MAGI2: variants seen among roughly 807,000 people sequenced by gnomAD.
MAGI2 encodes membrane-associated guanylate kinase, WW and PDZ domain-containing protein 2.
Under a neutral mutation model 133.3 loss-of-function variants are expected in MAGI2, and 35 were observed. The observed-to-expected ratio is 0.26, with a 90% confidence interval of 0.20 to 0.35. The LOEUF (loss-of-function observed/expected upper bound fraction) is 0.35. MAGI2 is among the 10% of genes least tolerant of loss of function. The pLI, the probability that MAGI2 is intolerant of heterozygous loss-of-function variation, is 1.00. For missense variants in MAGI2, 1,636 were observed against 1,863.4 expected (o/e 0.88, Z 2.25); for synonymous variants, 729 against 710.6 (o/e 1.03, Z -0.41).
Position 78,709,315 on chromosome 7 carries a change from C to G in MAGI2, c.419-82076G>C, listed in dbSNP as rs558008071. On this transcript the variant is annotated intron_variant, in intron 2 of 21. Coordinates refer to ENST00000354212, the MANE Select transcript of MAGI2 (RefSeq NM_012301.4). ...CCACTCCACACACACCTCCCTCAGGCTTCAACTAGATAAACTGTTATTTTG... is the reference window on the plus strand; with the variant it reads ...CCACTCCACACACACCTCCCTCAGGGTTCAACTAGATAAACTGTTATTTTG... Among the ~76,000 whole-genome samples the G allele has an allele frequency of 3.2e-4, 49 of 151,598 alleles. No homozygotes were observed. The South Asian group carries it at 0.01, about 32-fold the overall frequency.
intron 2 of MAGI2, among the ~76,000 whole-genome samples, chr7:78,785,205 T>G (rs1192722178): frequency 6.6e-6 from 1 of 152,208 alleles, no homozygotes; most frequent in Non-Finnish European, 1.5e-5. Context: ...TAATTAAATA[T>G]TTTAAAATGG....
rs537667233 is a variant in MAGI2 at position 78,799,539 on chromosome 7, A to T, written c.419-172300T>A. ...TCTAAGGAAGTGGTGAAAACCTTTA[A>T]TCCATGTGGCCAAGGATATAGATTT... On this transcript the variant is annotated intron_variant, in intron 2 of 21. Coordinates refer to ENST00000354212, the MANE Select transcript of MAGI2 (RefSeq NM_012301.4). Among the ~76,000 whole-genome samples, 6 of 152,240 alleles carry T rather than the reference A, an allele frequency of 3.9e-5. No homozygotes were observed. In the South Asian group the frequency reaches 1.2e-3, roughly 32 times the overall value.
intron 2 of MAGI2, among the ~76,000 whole-genome samples, chr7:78,701,105 A>G (rs1297136416): frequency 2.0e-5 from 3 of 151,750 alleles, no homozygotes; most frequent in Non-Finnish European, 4.4e-5. Flanking sequence ...TCATTTCTTC[A>G]GTTTTTCCAT....
chr7:78,234,006 C>A (rs191068385), intron 10 of MAGI2, among the ~76,000 whole-genome samples: 1 of 152,194 alleles, frequency 6.6e-6, no homozygotes, highest in East Asian at 1.9e-4. Context: ...TGAATGTTTT[C>A]ATTTTATGTT....
chr7:78,108,729 TAC>T (rs1197820552), intron 20 of MAGI2, among the ~76,000 whole-genome samples: 4 of 145,458 alleles, frequency 2.7e-5, no homozygotes, highest in South Asian at 2.3e-4. Context: ...TGTGTGTGTA[TAC>T]ACACACATAT....
At chr7:78,522,800 A>C (rs1042262046) in intron 3 of MAGI2, among the ~76,000 whole-genome samples, 1 of 152,210 alleles carries the variant, frequency 6.6e-6, no homozygotes, top group Admixed American at 6.5e-5. Flanking sequence ...CTTTGAACCT[A>C]TATCAGTGTT....
chr7:78,632,556 T>C (rs1809133181), intron 2 of MAGI2, among the ~76,000 whole-genome samples: 1 of 152,208 alleles, frequency 6.6e-6, no homozygotes, highest in Non-Finnish European at 1.5e-5. Context: ...TAAAGAGAAA[T>C]TCCACTTATT....
chr7:78,079,836 T>C (rs1334994829), intron 20 of MAGI2, among the ~76,000 whole-genome samples: 1 of 152,176 alleles, frequency 6.6e-6, no homozygotes, highest in South Asian at 2.1e-4. Context: ...CGTTTGTGAA[T>C]AGATAGTTGA....
intron 1 of MAGI2, among the ~76,000 whole-genome samples, chr7:79,274,325 C>G (rs909127581): frequency 7.9e-5 from 12 of 152,046 alleles, no homozygotes; most frequent in African/African-American, 2.7e-4. Flanking sequence ...GGGTTTGGCA[C>G]AGGAACTTTC....
At chr7:78,946,379 T>A (rs1218792921) in intron 2 of MAGI2, among the ~76,000 whole-genome samples, 1 of 152,184 alleles carries the variant, frequency 6.6e-6, no homozygotes, top group Non-Finnish European at 1.5e-5. Context: ...CTTGAACCTA[T>A]CATATGTAAA....
chr7:78,346,492 T>G (rs1005279794), intron 7 of MAGI2, among the ~76,000 whole-genome samples: 1 of 151,942 alleles, frequency 6.6e-6, no homozygotes, highest in Non-Finnish European at 1.5e-5. Flanking sequence ...GCAACCAGAG[T>G]CTGCACTTTT....
rs573884013 is a variant in MAGI2, at chr7:79,407,254, T to A, written c.301+45766A>T. Among the ~76,000 whole-genome samples, 55 of 152,206 alleles carry A rather than the reference T, an allele frequency of 3.6e-4. No individual in the cohort carries two copies. The South Asian group carries it at 0.011, about 29-fold the overall frequency. ...CTGATGACTGGCTAGTAAAGATAAA[T>A]CTTGGAGTGAAACTGGCATCTGAAC... On this transcript the variant is annotated intron_variant, in intron 1 of 21. Coordinates refer to ENST00000354212, the MANE Select transcript of MAGI2 (RefSeq NM_012301.4).
chr7:78,966,981 G>C (rs1280282799), intron 2 of MAGI2, among the ~76,000 whole-genome samples: 1 of 151,748 alleles, frequency 6.6e-6, no homozygotes, highest in Non-Finnish European at 1.5e-5. Context: ...GTTTCACTCT[G>C]CCACCCAGGC....
intron 21 of MAGI2, among the ~76,000 whole-genome samples, chr7:78,040,505 C>T (rs73703886): frequency 0.059 from 8,921 of 151,482 alleles, 268 homozygotes; most frequent in South Asian, 0.1. Context: ...TCAACCTTCC[C>T]TGGGTGGGTA....
chr7:78,773,761 A>G (rs1825771868), intron 2 of MAGI2, among the ~76,000 whole-genome samples: 1 of 152,218 alleles, frequency 6.6e-6, no homozygotes, highest in Non-Finnish European at 1.5e-5. Flanking sequence ...GACACAAAGA[A>G]CACGAACAAA....
chr7:78,191,336 G>A (rs73703720), intron 12 of MAGI2, among the ~76,000 whole-genome samples: 144 of 152,174 alleles, frequency 9.5e-4, no homozygotes, highest in African/African-American at 3.3e-3. Context: ...TCACATGGAA[G>A]TTGAGAAACT....
intron 1 of MAGI2, among the ~76,000 whole-genome samples, chr7:79,084,717 A>C (rs1310423153): frequency 6.6e-6 from 1 of 151,828 alleles, no homozygotes; most frequent in Non-Finnish European, 1.5e-5. Context: ...AGTTATGTCC[A>C]TTTTTGAAAA....
At position 79,229,530 on chromosome 7, in the gene MAGI2, G is replaced by A. The variant is rs547918918; in HGVS notation, c.302-222324C>T. On this transcript the variant is annotated intron_variant, in intron 1 of 21. Coordinates refer to ENST00000354212, the MANE Select transcript of MAGI2 (RefSeq NM_012301.4). ...TTTTTGAATCAGTTACCATCCCGGA[G>A]CCTATAATAGTATGCATCAAGGAAA... Among the ~76,000 whole-genome samples the A allele has an allele frequency of 2.3e-3, 355 of 152,218 alleles. 1 individual carries two copies. The highest frequency in any genetic ancestry group is 4.1e-3 in the Non-Finnish European group (281 of 68,018).
chr7:78,186,403 G>T (rs1033863603), intron 12 of MAGI2, among the ~76,000 whole-genome samples: 2 of 152,058 alleles, frequency 1.3e-5, no homozygotes, highest in South Asian at 4.1e-4. Flanking sequence ...ATTTTTCAGG[G>T]GTAGGCAAGG....
Sources: gnomAD v4.1 joint callset for allele counts (sites outside exome capture counted in the v4.1 genomes callset) on GRCh38, gnomAD v4.1.1 for gene constraint, MANE v1.5 for transcripts, NCBI Gene and HGNC (gene_info 2026-07-23, HGNC 2026-07-21) for gene names.